Variants in TSHZ3 observed in about 807,000 individuals in gnomAD.
The protein encoded by TSHZ3 is teashirt zinc finger homeobox 3.
In TSHZ3, 10 loss-of-function variants were observed where a neutral mutation model predicts 64.5. The observed-to-expected ratio is 0.16, with a 90% CI of 0.10 to 0.26. The LOEUF (loss-of-function observed/expected upper bound fraction) is 0.26. TSHZ3 is among the 10% of genes least tolerant of loss of function. The pLI is 1.00. For missense variants in TSHZ3, 1,242 were observed against 1,421.7 expected (o/e 0.87, Z 2.03); for synonymous variants, 608 against 593.1 (o/e 1.03, Z -0.36).
intron 1 of TSHZ3, among the ~76,000 whole-genome samples, chr19:31,301,418 A>T (rs1976754902): frequency 6.6e-6 from 1 of 152,228 alleles, no homozygotes; most frequent in Non-Finnish European, 1.5e-5. Flanking sequence ...TATTGAAATT[A>T]AAACTTAGAT....
At chr19:31,259,960 C>A (rs73565136) in intron 1 of TSHZ3, among the ~76,000 whole-genome samples, 2 of 152,096 alleles carry the variant, frequency 1.3e-5, no homozygotes, top group Non-Finnish European at 2.9e-5. Context: ...CCCAGTTGCG[C>A]GGGAGAGAGG....
At chr19:31,239,270 A>G (rs1975659910) in intron 3 of TSHZ3, among the ~76,000 whole-genome samples, 1 of 152,068 alleles carries the variant, frequency 6.6e-6, no homozygotes, top group Non-Finnish European at 1.5e-5. Context: ...GTTATTATTT[A>G]TGTGATAAGT....
At chr19:31,227,131 A>G (rs1975477284) in intron 4 of TSHZ3, among the ~76,000 whole-genome samples, 1 of 151,400 alleles carries the variant, frequency 6.6e-6, no homozygotes, top group South Asian at 2.1e-4. Flanking sequence ...GGCCTGTGCC[A>G]CCATGCCTGG....
exon 3 of TSHZ3, among the ~76,000 whole-genome samples, chr19:31,242,442 A>G (rs1975704194): frequency 6.6e-6 from 1 of 152,204 alleles, no homozygotes; most frequent in Non-Finnish European, 1.5e-5. Flanking sequence ...TTGCTGCTAC[A>G]CATCCTAGAG....
At chr19:31,321,725 G>A (rs1322864572) in intron 1 of TSHZ3, among the ~76,000 whole-genome samples, 3 of 152,158 alleles carry the variant, frequency 2.0e-5, no homozygotes, top group Non-Finnish European at 4.4e-5. Flanking sequence ...TTGAGGCCAG[G>A]AGAGAAAGAA....
Position 31,277,747 on chromosome 19 carries a change from G to A in TSHZ3, c.2046C>T (p.Ser682=). Residue 682 remains serine (S), a synonymous_variant, in exon 2 of 2, where the codon AGC becomes AGT. Transcript: ENST00000240587. This position sits in a 1 kb window ranked among gnomAD's most constrained non-coding sequence, Gnocchi z 4.5. ...SPPRDGCKDG[S]PLAEPVENGK... ...CATTCTCCACCGGCTCAGCGAGGGG[G>A]CTCCCATCCTTGCACCCATCCCGCG... is the stretch of plus-strand genomic sequence containing the variant. 3 of 1,523,156 alleles carry A rather than the reference G, an allele frequency of 2.0e-6. No individual in the cohort carries two copies. Among genetic ancestry groups the A allele is most frequent in the Middle Eastern group, 1.8e-4 (1 of 5,616 alleles). The allele number at this position is 1,523,156 out of a possible 1,614,324, so 94.4% of individuals were successfully genotyped here.
At chr19:31,320,380 C>T (rs1325581688) in intron 1 of TSHZ3, among the ~76,000 whole-genome samples, 1 of 152,140 alleles carries the variant, frequency 6.6e-6, no homozygotes, top group Non-Finnish European at 1.5e-5. Flanking sequence ...CTGCTGTTGC[C>T]CGTGGCTGCC....
At chr19:31,218,324 G>T (rs1975358344) in intron 4 of TSHZ3, among the ~76,000 whole-genome samples, 1 of 151,918 alleles carries the variant, frequency 6.6e-6, no homozygotes, top group African/African-American at 2.4e-5. Flanking sequence ...ATGTCATTAG[G>T]GAGATACAAC....
intron 1 of TSHZ3, among the ~76,000 whole-genome samples, chr19:31,263,745 C>A (rs1456169423): frequency 6.6e-6 from 1 of 152,194 alleles, no homozygotes; most frequent in African/African-American, 2.4e-5. Context: ...CTGTTTCTAG[C>A]TAGCAATGAG....
At chr19:31,156,122 G>A (rs1033337436) in intron 6 of TSHZ3, among the ~76,000 whole-genome samples, 86 of 152,054 alleles carry the variant, frequency 5.7e-4, no homozygotes, top group African/African-American at 2.0e-3. Context: ...AAAACAGATG[G>A]GCCAATGTTA....
intron 5 of TSHZ3, among the ~76,000 whole-genome samples, chr19:31,178,264 C>G (rs1250326516): frequency 6.6e-6 from 1 of 152,188 alleles, no homozygotes; most frequent in Non-Finnish European, 1.5e-5. Flanking sequence ...TCAGCATCTC[C>G]TGGCTACTGG....
chr19:31,159,787 G>C (rs959355835), intron 5 of TSHZ3, among the ~76,000 whole-genome samples: 1 of 151,592 alleles, frequency 6.6e-6, no homozygotes, highest in Non-Finnish European at 1.5e-5. Flanking sequence ...CAATCTCCTG[G>C]GTTCAAGTGA....
intron 5 of TSHZ3, among the ~76,000 whole-genome samples, chr19:31,161,618 C>T (rs781326401): frequency 6.6e-6 from 1 of 152,216 alleles, no homozygotes; most frequent in Non-Finnish European, 1.5e-5. Context: ...TTCCTAATAT[C>T]TGGAAACCCC....
In TSHZ3 at chr19:31,293,740, T is replaced by C. The variant is rs547228182; in HGVS notation, c.41-13988A>G. On this transcript the variant is annotated intron_variant, in intron 1 of 1. Coordinates refer to ENST00000240587, the MANE Select transcript of TSHZ3 (RefSeq NM_020856.4). ...CTTGTAGTTTTAGAGTCGCTGATCC[T>C]GTGCATAAATTCTCTTTCCATATAC... 6.6e-4 allele frequency among the ~76,000 whole-genome samples: 100 copies of C among 152,324 alleles called. 2 individuals are homozygous for C. The highest frequency in any genetic ancestry group is 1.0e-3 in the Non-Finnish European group (71 of 68,032).
chr19:31,226,688 T>G (rs1975467068), intron 4 of TSHZ3, among the ~76,000 whole-genome samples: 1 of 152,066 alleles, frequency 6.6e-6, no homozygotes, highest in South Asian at 2.1e-4. Flanking sequence ...AGTCAACATC[T>G]CTACTTGAAC....
intron 1 of TSHZ3, among the ~76,000 whole-genome samples, chr19:31,286,125 C>T (rs923713875): frequency 1.1e-4 from 17 of 152,308 alleles, no homozygotes; most frequent in African/African-American, 3.8e-4. Context: ...TCCCCACACA[C>T]ATCTCACTTT....
At chr19:31,232,764 A>G (rs1022088748) in intron 3 of TSHZ3, among the ~76,000 whole-genome samples, 1 of 152,068 alleles carries the variant, frequency 6.6e-6, no homozygotes, top group Admixed American at 6.5e-5. Context: ...ATCTCTACAG[A>G]TATGTATTTT....
chr19:31,243,742 G>A (rs1234065899), intron 1 of TSHZ3, among the ~76,000 whole-genome samples: 1 of 152,068 alleles, frequency 6.6e-6, no homozygotes, highest in Non-Finnish European at 1.5e-5. Flanking sequence ...GGTGTTCATC[G>A]AGCTCTGGGA....
intron 1 of TSHZ3, among the ~76,000 whole-genome samples, chr19:31,298,598 T>A (rs2145138638): frequency 6.6e-6 from 1 of 152,146 alleles, no homozygotes; most frequent in South Asian, 2.1e-4. Context: ...CTGGGAACGG[T>A]CCTGGCCCAT....
Sources: allele counts gnomAD v4.1 joint callset (sites outside exome capture counted in the v4.1 genomes callset), GRCh38; gene constraint gnomAD v4.1.1; non-coding constraint Gnocchi (gnomAD v3.1); transcripts MANE v1.5; gene names NCBI Gene and HGNC (gene_info 2026-07-23, HGNC 2026-07-21).